The following COL15A1 variants were observed in gnomAD, a reference collection of about 807,000 sequenced individuals.
COL15A1 encodes collagen type XV alpha 1 chain, also known as collagen alpha-1(XV) chain.
A neutral mutation model predicts 165.9 loss-of-function variants in COL15A1; 111 were observed. The ratio of observed to expected loss-of-function variants is 0.67; its 90% CI spans 0.57 to 0.78. The LOEUF (loss-of-function observed/expected upper bound fraction) is 0.78, where lower values mean the gene tolerates loss of function less well. Ranked by LOEUF, COL15A1 falls within the 30% of genes least tolerant of loss-of-function variation. The pLI, the probability that COL15A1 is intolerant of heterozygous loss-of-function variation, is 0.00. For missense variants in COL15A1, 1,745 were observed against 1,789.7 expected, an observed-to-expected ratio of 0.98 and a Z score of 0.45; for synonymous variants, 659 against 674.8, an observed-to-expected ratio of 0.98 and a Z score of 0.36.
chr9:99,025,212 T>C (rs1002784407), intron 15 of COL15A1, among the ~76,000 whole-genome samples: 5 of 152,262 alleles, frequency 3.3e-5, no homozygotes, highest in Non-Finnish European at 7.3e-5. Flanking sequence ...CGTATTGTTT[T>C]GCTGCTTTAT....
In COL15A1 at chr9:98,970,807, G is replaced by C. The variant is rs557959763; in HGVS notation, c.101-14758G>C. On this transcript the variant is annotated intron_variant, in intron 2 of 41. Transcript: ENST00000375001. Reference sequence around the variant, plus strand: ...CATGTGTCAGTGTGTGAGTTTGTATGAGTCTAGGGTGAGTGCGGGTGGAGG... The same window carrying C: ...CATGTGTCAGTGTGTGAGTTTGTATCAGTCTAGGGTGAGTGCGGGTGGAGG... Among the ~76,000 whole-genome samples, 8 of 152,112 alleles carry C rather than the reference G, an allele frequency of 5.3e-5. No individual in the cohort carries two copies. In the South Asian group the frequency reaches 1.7e-3, roughly 32 times the overall value.
intron 39 of COL15A1, among the ~76,000 whole-genome samples, chr9:99,065,518 G>A (rs776473125): frequency 1.8e-4 from 27 of 151,658 alleles, no homozygotes; most frequent in African/African-American, 5.8e-4. Flanking sequence ...GTGGTGGGTG[G>A]GCAGCATGCT....
intron 30 of COL15A1, among the ~76,000 whole-genome samples, chr9:99,051,773 G>C (rs1001056597): frequency 6.6e-6 from 1 of 152,132 alleles, no homozygotes; most frequent in Admixed American, 6.5e-5. Flanking sequence ...GGTTTCAAGT[G>C]GCTTTGTCTG....
chr9:98,958,479 G>A (rs1016934119), intron 2 of COL15A1, among the ~76,000 whole-genome samples: 2 of 152,064 alleles, frequency 1.3e-5, no homozygotes, highest in Admixed American at 6.6e-5. Context: ...TAGTTAAAAT[G>A]CCAAATTACT....
At chr9:99,023,708 C>G (rs1323702170) in intron 14 of COL15A1, among the ~76,000 whole-genome samples, 2 of 152,202 alleles carry the variant, frequency 1.3e-5, no homozygotes, top group East Asian at 3.9e-4. Flanking sequence ...TTCTTCCTTT[C>G]CCTGGTGGGC....
intron 2 of COL15A1, among the ~76,000 whole-genome samples, chr9:98,981,017 C>T (rs1277361249): frequency 2.0e-5 from 3 of 152,158 alleles, no homozygotes; most frequent in Non-Finnish European, 4.4e-5. Context: ...GTGGAATTAC[C>T]TGCACAGGTA....
chr9:99,022,793 GGT>G (rs1839050146), intron 13 of COL15A1, among the ~76,000 whole-genome samples: 1 of 152,216 alleles, frequency 6.6e-6, no homozygotes, highest in Non-Finnish European at 1.5e-5. Flanking sequence ...GTGCTGGAAA[GGT>G]GTTTTGAAGA....
chr9:99,005,068 C>T lies in COL15A1; in HGVS notation c.1353+18C>T. 6.4e-7 allele frequency: 1 copy of T among 1,569,286 alleles called. No individual in the cohort carries two copies. Among genetic ancestry groups the T allele is most frequent in the Non-Finnish European group, 8.6e-7 (1 of 1,158,820 alleles). On this transcript the variant is annotated intron_variant, in intron 9 of 41. Coordinates refer to ENST00000375001, the MANE Select transcript of COL15A1 (RefSeq NM_001855.5). ...CCACTGTGGTAAGGATCGTACAGTG[C>T]CCAAAGGTTGAGGTCATGGTGGGAG...
At chr9:99,049,666 A>G in intron 28 of COL15A1, 24 bp from the exon 29 acceptor site, 2 of 1,612,110 alleles carry the variant, frequency 1.2e-6, no homozygotes, top group Non-Finnish European at 1.7e-6. Flanking sequence ...GAACTAATGG[A>G]ATGGCCTTTT....
At chr9:99,046,726 C>T (rs555389369) in intron 26 of COL15A1, among the ~76,000 whole-genome samples, 5 of 152,330 alleles carry the variant, frequency 3.3e-5, no homozygotes, top group African/African-American at 9.6e-5. Flanking sequence ...CCTCCCACCA[C>T]GTCCCTCCCA....
intron 40 of COL15A1, 101 bp downstream of exon 40, chr9:99,067,168 A>C: frequency 2.9e-6 from 3 of 1,018,920 alleles, no homozygotes; most frequent in Non-Finnish European, 4.3e-6. Context: ...CTGTTGACTT[A>C]AGCCTGCTCT....
intron 11 of COL15A1, among the ~76,000 whole-genome samples, chr9:99,019,398 G>A (rs753081085): frequency 1.3e-5 from 2 of 151,878 alleles, no homozygotes; most frequent in African/African-American, 2.4e-5. Context: ...TGTTTTTAGT[G>A]GAGACAGGAT....
At chr9:99,053,969 C>T (rs1053228784) in intron 31 of COL15A1, among the ~76,000 whole-genome samples, 5 of 152,214 alleles carry the variant, frequency 3.3e-5, no homozygotes, top group African/African-American at 9.6e-5. Context: ...AAAAGGCTTT[C>T]CTCCATGCCC....
intron 39 of COL15A1, among the ~76,000 whole-genome samples, chr9:99,063,375 G>A (rs1169104713): frequency 6.6e-6 from 1 of 152,206 alleles, no homozygotes; most frequent in East Asian, 1.9e-4. Flanking sequence ...GAGTTCGGGA[G>A]TGAGCCAGGT....
Position 98,944,023 on chromosome 9 carries a change from AC to A in COL15A1, c.-38del. On this transcript the variant is annotated 5_prime_UTR_variant, in exon 1 of 42. Coordinates refer to ENST00000375001, the MANE Select transcript of COL15A1 (RefSeq NM_001855.5). Reference sequence around the variant, plus strand: ...CCGCTAAGCTCCAACGCTCTGCTCGACTAGCCGCGCGCCTTCCGGGGCTCCG... The same window carrying A: ...CCGCTAAGCTCCAACGCTCTGCTCGATAGCCGCGCGCCTTCCGGGGCTCCG... 6.2e-7 allele frequency: 1 copy of A among 1,613,362 alleles called. No individual in the cohort carries two copies. Among genetic ancestry groups the A allele is most frequent in the Non-Finnish European group, 8.5e-7 (1 of 1,179,596 alleles).
intron 24 of COL15A1, among the ~76,000 whole-genome samples, chr9:99,043,444 C>T (rs112252735): frequency 1.4e-4 from 21 of 152,224 alleles, no homozygotes; most frequent in African/African-American, 4.8e-4. Context: ...GAGGGACGGA[C>T]ATGACATCCC....
At position 99,003,474 on chromosome 9, in the gene COL15A1, G is replaced by A. The variant is rs1286168464; in HGVS notation, c.1087G>A (p.Gly363Arg). ...EEKNLAATAA[G>R]LAEVPISTAG... ...TCAGAATTTAGCAGCAACAGCAGCG[G>A]GGCTGGCCGAGGTGCCCATCAGCAC... Residue 363 changes from glycine (G) to arginine (R), a missense_variant, in exon 8 of 42, where the codon GGG becomes AGG. By Grantham distance (125) the Gly-to-Arg change is moderately radical. Transcript: ENST00000375001. The A allele has an allele frequency of 6.5e-7, 1 of 1,530,566 alleles. No homozygotes were observed. Among genetic ancestry groups the A allele is most frequent in the Non-Finnish European group, 8.8e-7 (1 of 1,138,134 alleles). 94.8% of individuals were successfully genotyped at this position (1,530,566 alleles called of 1,614,324 possible).
At position 99,069,934 on chromosome 9, in the gene COL15A1, A is replaced by C; in HGVS notation, c.*48A>C. The C allele has an allele frequency of 6.9e-7, 1 of 1,442,944 alleles. No individual in the cohort carries two copies. Among genetic ancestry groups the C allele is most frequent in the Non-Finnish European group, 9.6e-7 (1 of 1,043,194 alleles). 89.4% of individuals were successfully genotyped at this position (1,442,944 alleles called of 1,614,324 possible). ...GAGTTTTCAATTTTTTCTTATGTGA[A>C]GAGTTGACACTGAAATCTAAAATGT... is the stretch of plus-strand genomic sequence containing the variant. On this transcript the variant is annotated 3_prime_UTR_variant, in exon 42 of 42. Transcript: ENST00000375001.
chr9:98,997,071 C>T lies in COL15A1; in HGVS notation c.942C>T (p.Ser314=), dbSNP rs1281124787. The T allele has an allele frequency of 6.8e-6, 11 of 1,614,194 alleles. No homozygotes were observed. Among genetic ancestry groups the T allele is most frequent in the African/African-American group, 1.3e-5 (1 of 75,062 alleles). ...ACATGAGCATCATCCAGCACAGCAG[C>T]CCCAAACAAGGCAAGTCCGGATGCA... is the stretch of plus-strand genomic sequence containing the variant. ...TTNMSIIQHS[S]PKQGSGEILN... is the part of the protein sequence containing the mutation. The change falls in exon 6 of 42, where the codon AGC becomes AGT. Residue 314 remains serine (S), a synonymous_variant. Transcript: ENST00000375001.
Sources: gnomAD v4.1 joint callset for allele counts (sites outside exome capture counted in the v4.1 genomes callset) on GRCh38, gnomAD v4.1.1 for gene constraint, MANE v1.5 for transcripts, NCBI Gene and HGNC (gene_info 2026-07-23, HGNC 2026-07-21) for gene names.